SEPTIN5: variants seen among roughly 807,000 people sequenced by gnomAD.
SEPTIN5 encodes the protein septin-5.
A neutral mutation model predicts 51.2 loss-of-function variants in SEPTIN5; 16 were observed. The ratio of observed to expected loss-of-function variants is 0.31; its 90% CI spans 0.21 to 0.47. The LOEUF is 0.47. SEPTIN5 is among the 20% of genes least tolerant of loss of function. The pLI, the probability that SEPTIN5 is intolerant of heterozygous loss-of-function variation, is 0.99. For missense variants in SEPTIN5, 376 were observed against 500.3 expected, an observed-to-expected ratio of 0.75 and a Z score of 2.37; for synonymous variants, 208 against 191.2, an observed-to-expected ratio of 1.09 and a Z score of -0.72.
chr22:19,716,104 C>T (rs1935907851), intron 2 of SEPTIN5, among the ~76,000 whole-genome samples: 1 of 152,250 alleles, frequency 6.6e-6, no homozygotes, highest in South Asian at 2.1e-4. Context: ...GGACCCCCTC[C>T]TGCTGAGGTG....
chr22:19,715,058 G>A (rs1935894896), intron 2 of SEPTIN5, among the ~76,000 whole-genome samples: 1 of 152,242 alleles, frequency 6.6e-6, no homozygotes, highest in African/African-American at 2.4e-5. Flanking sequence ...CCTCCCACAG[G>A]GCCAGTGCCA....
chr22:19,720,709 C>T, intron 7 of SEPTIN5, 43 bp downstream of exon 7: 3 of 1,611,802 alleles, frequency 1.9e-6, no homozygotes, highest in East Asian at 2.2e-5. Flanking sequence ...GGCCCTGGGG[C>T]TGAGAGTACC....
intron 6 of SEPTIN5, 24 bp from the exon 7 acceptor site, chr22:19,720,524 GC>G: frequency 6.2e-7 from 1 of 1,613,320 alleles, no homozygotes; most frequent in Non-Finnish European, 8.5e-7. Context: ...CTGTGCCTAT[GC>G]CCACCCTTGG....
chr22:19,714,546 C>G lies in SEPTIN5; in HGVS notation c.-43C>G, dbSNP rs1244661364. Reference sequence around the variant, plus strand: ...GGCCTCCGCCGCTTGTCGTCGCGCCCCGCCCGCGAGCCCGCCCCGCACGTC... The same window carrying G: ...GGCCTCCGCCGCTTGTCGTCGCGCCGCGCCCGCGAGCCCGCCCCGCACGTC... On this transcript the variant is annotated 5_prime_UTR_variant, in exon 1 of 12. Coordinates refer to ENST00000455784, the MANE Select transcript of SEPTIN5 (RefSeq NM_002688.6). The surrounding 1 kb of genome is among the most constrained non-coding windows in gnomAD (Gnocchi z 5.2). 7.5e-7 allele frequency: 1 copy of G among 1,333,614 alleles called. No homozygotes were observed. The highest frequency in any genetic ancestry group is 9.6e-7 in the Non-Finnish European group (1 of 1,041,436). 82.6% of individuals were successfully genotyped at this position (1,333,614 alleles called of 1,614,324 possible).
At chr22:19,717,819 CGT>C (rs1935936192) in intron 2 of SEPTIN5, 1 of 204,898 alleles carries the variant, frequency 4.9e-6, no homozygotes, top group Admixed American at 5.3e-5. Context: ...CATGCACACA[CGT>C]ACACACACAC....
Position 19,719,591 on chromosome 22 carries a change from C to T in SEPTIN5, c.55-11C>T, listed in dbSNP as rs777862858. ...CCTTTGTGTCCCTACCCTGTTCCATCCTGTCCCCAGGACATTGACAAGCAG... is the reference window on the plus strand; with the variant it reads ...CCTTTGTGTCCCTACCCTGTTCCATTCTGTCCCCAGGACATTGACAAGCAG... On this transcript the variant is annotated splice_polypyrimidine_tract_variant and intron_variant, in intron 2 of 11. Coordinates refer to ENST00000455784, the MANE Select transcript of SEPTIN5 (RefSeq NM_002688.6). 5.0e-6 allele frequency: 8 copies of T among 1,608,302 alleles called. No homozygotes were observed. The highest frequency in any genetic ancestry group is 3.3e-5 in the Admixed American group (2 of 59,918).
chr22:19,720,629 G>C lies in SEPTIN5; in HGVS notation c.578G>C (p.Cys193Ser). The change falls in exon 7 of 12, where the codon TGT becomes TCT. Residue 193 changes from cysteine (C) to serine (S), a missense_variant. Cys to Ser is a moderately radical substitution (Grantham distance 112). Coordinates refer to ENST00000455784, the MANE Select transcript of SEPTIN5 (RefSeq NM_002688.6). ...GTGCCTCTCATCGCCAAAGCTGACTGTCTTGTCCCCAGTGAGATCCGGAAG... is the reference window on the plus strand; with the variant it reads ...GTGCCTCTCATCGCCAAAGCTGACTCTCTTGTCCCCAGTGAGATCCGGAAG... ...NIVPLIAKAD[C>S]LVPSEIRKLK... 3 of 1,613,014 alleles carry C rather than the reference G, an allele frequency of 1.9e-6. No individual in the cohort carries two copies. The highest frequency in any genetic ancestry group is 2.5e-6 in the Non-Finnish European group (3 of 1,180,034).
intron 10 of SEPTIN5, 123 bp downstream of exon 10, chr22:19,722,080 C>T (rs563848614): frequency 3.1e-6 from 4 of 1,305,106 alleles, no homozygotes; most frequent in African/African-American, 3.0e-5. Flanking sequence ...AGCCCCCCCC[C>T]TCCCCCAGAG....
chr22:19,718,490 C>G (rs760745650), intron 2 of SEPTIN5: 5 of 1,211,098 alleles, frequency 4.1e-6, no homozygotes, highest in Non-Finnish European at 3.1e-6. Context: ...CCTGCCCGGA[C>G]TGCGACGCCG....
chr22:19,719,527 G>A (rs776998079), intron 2 of SEPTIN5, 75 bp from the exon 3 acceptor site: 207 of 1,205,792 alleles, frequency 1.7e-4, no homozygotes, highest in Admixed American at 4.1e-4. Context: ...TCCTCATACC[G>A]CATTTGGTAA....
At chr22:19,719,070 GCTGGGCGC>G in intron 2 of SEPTIN5, 1 of 369,654 alleles carries the variant, frequency 2.7e-6, no homozygotes, top group Non-Finnish European at 4.7e-6. Context: ...GTCTGCGGGG[GCTGGGCGC>G]CTGGGCGCGC....
chr22:19,716,757 T>TGA (rs1475836752), intron 2 of SEPTIN5, among the ~76,000 whole-genome samples: 2 of 152,178 alleles, frequency 1.3e-5, no homozygotes, highest in Admixed American at 1.3e-4. Flanking sequence ...GCAGGCAGTC[T>TGA]GAGAGCCACA....
In SEPTIN5 at chr22:19,722,553, C is replaced by G. The variant is rs1186604717; in HGVS notation, c.*69C>G. 2 of 1,510,222 alleles carry G rather than the reference C, an allele frequency of 1.3e-6. No homozygotes were observed. Among genetic ancestry groups the G allele is most frequent in the East Asian group, 2.5e-5 (1 of 40,554 alleles). 93.6% of individuals were successfully genotyped at this position (1,510,222 alleles called of 1,614,324 possible). A position where few individuals can be genotyped will look rare whatever the true frequency, so the allele number is the denominator to read the frequency against. On this transcript the variant is annotated 3_prime_UTR_variant, in exon 12 of 12. Coordinates refer to ENST00000455784, the MANE Select transcript of SEPTIN5 (RefSeq NM_002688.6). Reference sequence around the variant, plus strand: ...CCCCTGGACACCAGACCGGACTGTTCCCGACCCGGAGACGCGGGGCCACAG... The same window carrying G: ...CCCCTGGACACCAGACCGGACTGTTGCCGACCCGGAGACGCGGGGCCACAG...
At chr22:19,719,516 C>A in intron 2 of SEPTIN5, 86 bp from the exon 3 acceptor site, 1 of 1,087,104 alleles carries the variant, frequency 9.2e-7, no homozygotes, top group Non-Finnish European at 1.3e-6. Context: ...CCTCTGCTGT[C>A]TCCTCATACC....
chr22:19,717,627 T>C (rs1464660008), intron 2 of SEPTIN5: 1 of 302,262 alleles, frequency 3.3e-6, no homozygotes, highest in South Asian at 2.5e-5. Flanking sequence ...CCTCCAGTAC[T>C]CCGGCAGCCT....
In SEPTIN5 at chr22:19,722,998, G is replaced by GAGC. The variant is rs367798392; in HGVS notation, c.*515_*517dup. On this transcript the variant is annotated 3_prime_UTR_variant, in exon 12 of 12. Coordinates refer to ENST00000455784, the MANE Select transcript of SEPTIN5 (RefSeq NM_002688.6). ...GGCAGGGTTGGGCTGAATCAAATGG[G>GAGC]AGCCCTCCAGACATAAGGAGGCCAG... 1.1e-3 allele frequency: 478 copies of GAGC among 446,262 alleles called. 2 individuals are homozygous for GAGC. The highest frequency in any genetic ancestry group is 8.8e-3 in the African/African-American group (450 of 50,986). 27.6% of individuals were successfully genotyped at this position (446,262 alleles called of 1,614,324 possible). A position where few individuals can be genotyped will look rare whatever the true frequency, so the allele number is the denominator to read the frequency against.
Position 19,722,685 on chromosome 22 carries a change from C to T in SEPTIN5, c.*201C>T. 1 of 626,278 alleles carries T rather than the reference C, an allele frequency of 1.6e-6. No individual in the cohort carries two copies. Among genetic ancestry groups the T allele is most frequent in the South Asian group, 2.0e-5 (1 of 51,128 alleles). 38.8% of individuals were successfully genotyped at this position (626,278 alleles called of 1,614,324 possible). ...CCCCGCCCAGCTGGCCCTCTCTGAC[C>T]TTGGGGGATCAGGAGCGAAGTTGGG... On this transcript the variant is annotated 3_prime_UTR_variant, in exon 12 of 12. Coordinates refer to ENST00000455784, the MANE Select transcript of SEPTIN5 (RefSeq NM_002688.6).
rs2145793850 is a variant in SEPTIN5, at chr22:19,722,653, C to G, written c.*169C>G. 4.1e-6 allele frequency: 3 copies of G among 734,194 alleles called. No individual in the cohort carries two copies. Among genetic ancestry groups the G allele is most frequent in the Admixed American group, 2.6e-5 (1 of 38,518 alleles). 45.5% of individuals were successfully genotyped at this position (734,194 alleles called of 1,614,324 possible). On this transcript the variant is annotated 3_prime_UTR_variant, in exon 12 of 12. Transcript: ENST00000455784. ...TGTGTCTGTTTCCGAGGGGCCTGGA[C>G]CGTAGCCCCCGCCCAGCTGGCCCTC... is the stretch of plus-strand genomic sequence containing the variant.
At position 19,714,555 on chromosome 22, in the gene SEPTIN5, A is replaced by C; in HGVS notation, c.-34A>C. 3 of 1,353,390 alleles carry C rather than the reference A, an allele frequency of 2.2e-6. No individual in the cohort carries two copies. Among genetic ancestry groups the C allele is most frequent in the Non-Finnish European group, 1.9e-6 (2 of 1,051,638 alleles). The allele number at this position is 1,353,390 out of a possible 1,614,324, so 83.8% of individuals were successfully genotyped here. On this transcript the variant is annotated 5_prime_UTR_variant, in exon 1 of 12. Transcript: ENST00000455784. This position sits in a 1 kb window ranked among gnomAD's most constrained non-coding sequence, Gnocchi z 5.2. ...CGCTTGTCGTCGCGCCCCGCCCGCG[A>C]GCCCGCCCCGCACGTCCCCCGCCGG...
Sources: allele counts gnomAD v4.1 joint callset (sites outside exome capture counted in the v4.1 genomes callset), GRCh38; gene constraint gnomAD v4.1.1; non-coding constraint Gnocchi (gnomAD v3.1); transcripts MANE v1.5; gene names NCBI Gene and HGNC (gene_info 2026-07-23, HGNC 2026-07-21).